The following DTNB variants were observed in gnomAD, a reference collection of about 807,000 sequenced individuals.
DTNB encodes the protein DTN-B.
In DTNB, 63 loss-of-function variants were observed where a neutral mutation model predicts 90.7. That is an observed-to-expected ratio of 0.69 (90% CI 0.57 to 0.86). The LOEUF is 0.86. DTNB is among the 40% of genes least tolerant of loss of function. DTNB has a pLI of 0.00. For synonymous variants in DTNB, 277 were observed against 286.7 expected (o/e 0.97, Z 0.34); for missense variants, 744 against 807.1 (o/e 0.92, Z 0.95).
chr2:25,668,388 A>G (rs2085008104), intron 1 of DTNB, among the ~76,000 whole-genome samples: 1 of 152,260 alleles, frequency 6.6e-6, no homozygotes, highest in Admixed American at 6.5e-5. Context: ...AACTCTGGAA[A>G]AGGTAAAACT....
At chr2:25,453,905 TG>T (rs1338862247) in intron 11 of DTNB, among the ~76,000 whole-genome samples, 1 of 152,182 alleles carries the variant, frequency 6.6e-6, no homozygotes, top group African/African-American at 2.4e-5. Flanking sequence ...CCCAGCACTT[TG>T]GGAGGCTGAG....
chr2:25,492,544 T>C (rs956455260), intron 9 of DTNB, among the ~76,000 whole-genome samples: 4 of 152,086 alleles, frequency 2.6e-5, no homozygotes, highest in Non-Finnish European at 5.9e-5. Context: ...AGACAAAATT[T>C]CTACTTAAAA....
intron 10 of DTNB, among the ~76,000 whole-genome samples, chr2:25,468,879 A>C (rs936169054): frequency 6.6e-6 from 1 of 152,228 alleles, no homozygotes; most frequent in African/African-American, 2.4e-5. Flanking sequence ...AAATGCATCA[A>C]GTTCAATGTA....
In DTNB at chr2:25,432,943, G is replaced by T. The variant is rs767059153; in HGVS notation, c.1400C>A (p.Pro467His). The T allele has an allele frequency of 3.1e-6, 5 of 1,611,270 alleles. No homozygotes were observed. In the South Asian group the frequency reaches 5.5e-5, roughly 18 times the overall value. ...LRLEHEQASQ[P>H]TPEKAQQNPT... ...GTTCTGCTGTGCCTTCTCAGGGGTG[G>T]GCTGGGAGGCCTGCTCGTGTTCCAG... The change falls in exon 14 of 21, where the codon CCC becomes CAC. Residue 467 changes from proline (P) to histidine (H), a missense_variant. Transcript: ENST00000406818.
chr2:25,597,542 T>C (rs2064900801), intron 5 of DTNB, among the ~76,000 whole-genome samples: 1 of 152,184 alleles, frequency 6.6e-6, no homozygotes, highest in Non-Finnish European at 1.5e-5. Flanking sequence ...TGTTAGGTTA[T>C]TGATCCACAG....
chr2:25,607,099 T>C (rs1381677462), intron 5 of DTNB, 137 bp downstream of exon 5: 11 of 872,966 alleles, frequency 1.3e-5, no homozygotes, highest in African/African-American at 1.7e-5. Context: ...TCACCTACTG[T>C]GAGCCAGCTG....
At chr2:25,399,170 T>C (rs933682959) in intron 16 of DTNB, among the ~76,000 whole-genome samples, 1 of 152,002 alleles carries the variant, frequency 6.6e-6, no homozygotes, top group Non-Finnish European at 1.5e-5. Flanking sequence ...TGCCTCAGCC[T>C]CCTGAGTAGC....
At chr2:25,443,280 G>C (rs967903699) in intron 12 of DTNB, among the ~76,000 whole-genome samples, 1 of 152,170 alleles carries the variant, frequency 6.6e-6, no homozygotes. Flanking sequence ...GGTCCCTTTA[G>C]TCCTTGGAAG....
intron 6 of DTNB, among the ~76,000 whole-genome samples, chr2:25,591,056 C>T (rs1005309234): frequency 6.6e-6 from 1 of 152,222 alleles, no homozygotes; most frequent in African/African-American, 2.4e-5. Context: ...CGTGTGCACA[C>T]CTGGCCAGGC....
intron 8 of DTNB, among the ~76,000 whole-genome samples, chr2:25,557,660 G>T (rs1050165878): frequency 6.6e-6 from 1 of 152,178 alleles, no homozygotes; most frequent in Non-Finnish European, 1.5e-5. Context: ...GAAGGCCTGG[G>T]ACTTTGTATA....
At chr2:25,652,082 T>C (rs1411531173) in intron 2 of DTNB, among the ~76,000 whole-genome samples, 1 of 152,236 alleles carries the variant, frequency 6.6e-6, no homozygotes, top group African/African-American at 2.4e-5. Flanking sequence ...CTCAGCCATC[T>C]TCTTCTCTCT....
chr2:25,384,796 G>A (rs553543407), intron 18 of DTNB, among the ~76,000 whole-genome samples: 10 of 152,286 alleles, frequency 6.6e-5, no homozygotes, highest in African/African-American at 1.7e-4. Context: ...GAATGAGCTC[G>A]CTGGAAATAT....
intron 5 of DTNB, chr2:25,598,842 T>C (rs1004617203): frequency 6.6e-6 from 1 of 152,178 alleles, no homozygotes; most frequent in Non-Finnish European, 1.5e-5. Context: ...GAAAAAATTC[T>C]ACAACAGCCA....
intron 14 of DTNB, 121 bp from the exon 15 acceptor site, chr2:25,427,752 T>A (rs1053423431): frequency 2.8e-5 from 24 of 860,166 alleles, no homozygotes; most frequent in Non-Finnish European, 4.3e-5. Flanking sequence ...AGCAAGTCAT[T>A]TAGCATCCAA....
chr2:25,654,364 G>A (rs2081643385), intron 1 of DTNB, among the ~76,000 whole-genome samples: 1 of 152,182 alleles, frequency 6.6e-6, no homozygotes, highest in African/African-American at 2.4e-5. Context: ...ACAACTGGGA[G>A]GGTGCTACTG....
chr2:25,615,148 T>C (rs1214522118), intron 4 of DTNB, among the ~76,000 whole-genome samples: 1 of 152,204 alleles, frequency 6.6e-6, no homozygotes. Flanking sequence ...AAGGATATTA[T>C]AAAAGATACA....
intron 16 of DTNB, among the ~76,000 whole-genome samples, chr2:25,397,422 G>A (rs998952457): frequency 2.0e-5 from 3 of 151,504 alleles, no homozygotes; most frequent in African/African-American, 7.3e-5. Context: ...ACCACATATC[G>A]TATGATCCCA....
intron 2 of DTNB, among the ~76,000 whole-genome samples, chr2:25,651,856 T>C (rs1459404786): frequency 6.6e-6 from 1 of 152,148 alleles, no homozygotes; most frequent in African/African-American, 2.4e-5. Context: ...ATGTTAAGGG[T>C]CCTTGTAAGA....
intron 10 of DTNB, among the ~76,000 whole-genome samples, chr2:25,473,784 C>T (rs572025546): frequency 2.0e-5 from 3 of 152,270 alleles, no homozygotes; most frequent in African/African-American, 7.2e-5. Flanking sequence ...AATCTGAAAA[C>T]GATCCTCACT....
Sources: gnomAD v4.1 joint callset for allele counts (sites outside exome capture counted in the v4.1 genomes callset) on GRCh38, gnomAD v4.1.1 for gene constraint, MANE v1.5 for transcripts, NCBI Gene and HGNC (gene_info 2026-07-23, HGNC 2026-07-21) for gene names.